RFX2: variants seen among roughly 807,000 people sequenced by gnomAD.
RFX2 encodes the protein DNA-binding protein RFX2.
In RFX2, 20 loss-of-function variants were observed where a neutral mutation model predicts 87.8. The observed-to-expected ratio is 0.23, with a 90% CI of 0.16 to 0.33. The LOEUF is 0.33. RFX2 is among the 10% of genes least tolerant of loss of function. RFX2 has a pLI of 1.00. For missense variants in RFX2, 767 were observed against 1,012.3 expected (o/e 0.76, Z 3.29); for synonymous variants, 397 against 431.3 (o/e 0.92, Z 0.98).
chr19:6,090,868 G>C (rs2087923797), intron 1 of RFX2, among the ~76,000 whole-genome samples: 1 of 152,182 alleles, frequency 6.6e-6, no homozygotes, highest in Non-Finnish European at 1.5e-5. Flanking sequence ...CTACAATGTG[G>C]ATGAACTGCA....
At chr19:6,109,510 G>T (rs1358742499) in intron 1 of RFX2, 1 of 152,428 alleles carries the variant, frequency 6.6e-6, no homozygotes. Flanking sequence ...GGTTCCAGGG[G>T]TGCCCCCAAA....
At chr19:6,088,126 A>G (rs1003685493) in intron 1 of RFX2, among the ~76,000 whole-genome samples, 2 of 151,244 alleles carry the variant, frequency 1.3e-5, no homozygotes, top group African/African-American at 4.8e-5. Context: ...TTCCCAGCCC[A>G]GAGTGCTGCT....
chr19:6,040,076 G>A lies in RFX2; in HGVS notation c.426C>T (p.Ser142=). 6.2e-7 allele frequency: 1 copy of A among 1,612,276 alleles called. No homozygotes were observed. Among genetic ancestry groups the A allele is most frequent in the East Asian group, 2.2e-5 (1 of 44,874 alleles). Residue 142 remains serine, a synonymous_variant, in exon 5 of 18, where the codon AGC becomes AGT. Transcript: ENST00000303657. The surrounding 1 kb of genome is among the most constrained non-coding windows in gnomAD (Gnocchi z 6.1). ...MVGITMDVGG[S]PIVSSAGAYL... ...AGGCTCCCGCGCTGGAGACGATGGG[G>A]CTCCCCCCGACATCCATGGTGATGC...
intron 5 of RFX2, among the ~76,000 whole-genome samples, chr19:6,030,332 G>A (rs909054776): frequency 3.9e-5 from 6 of 152,084 alleles, no homozygotes; most frequent in African/African-American, 1.4e-4. Flanking sequence ...GGAGGCCAGA[G>A]GGCAGTGAAA....
Position 6,007,149 on chromosome 19 carries a change from C to A in RFX2, c.1265G>T (p.Gly422Val). The change falls in exon 12 of 18, where the codon GGC (glycine) becomes GTC (valine). Residue 422 changes from glycine to valine, a missense_variant. Physicochemically the swap from Gly to Val is moderately radical, Grantham distance 109 (BLOSUM62 -3). This residue lies in a region of RFX2 where 621 missense variants were observed against 873.0 expected (regional missense o/e 0.71). Coordinates refer to ENST00000303657, the MANE Select transcript of RFX2 (RefSeq NM_000635.4). The surrounding 1 kb of genome is among the most constrained non-coding windows in gnomAD (Gnocchi z 8.2). ...AAGCTTGTCCTTGGGCAGGACGGCGCCCTCGGGGTCTTCGTCACTGTGGAG... is the reference window on the plus strand; with the variant it reads ...AAGCTTGTCCTTGGGCAGGACGGCGACCTCGGGGTCTTCGTCACTGTGGAG... Reference protein sequence around the residue: ...SLPASDEDPEGAVLPKDKLIS... With the variant: ...SLPASDEDPEVAVLPKDKLIS... The A allele has an allele frequency of 6.2e-7, 1 of 1,613,862 alleles. No homozygotes were observed. The highest frequency in any genetic ancestry group is 1.7e-4 in the Middle Eastern group (1 of 5,948).
intron 1 of RFX2, among the ~76,000 whole-genome samples, chr19:6,049,927 T>C (rs964733515): frequency 6.6e-6 from 1 of 152,244 alleles, no homozygotes; most frequent in Non-Finnish European, 1.5e-5. Context: ...AGTCCACAAA[T>C]GCTTGGGTGC....
rs1238986324 is a variant in RFX2 at position 6,021,056 on chromosome 19, A to G, written c.598-4785T>C. On this transcript the variant is annotated intron_variant, in intron 6 of 17. Transcript: ENST00000303657. This position sits in a 1 kb window ranked among gnomAD's most constrained non-coding sequence, Gnocchi z 5.7. ...ACCTGCCGGTGGGAAGGCAGGGATC[A>G]TGCCCACCTACCTGGCCCCCTTTGT... 1.3e-5 allele frequency among the ~76,000 whole-genome samples: 2 copies of G among 152,152 alleles called. No individual in the cohort carries two copies. The highest frequency in any genetic ancestry group is 2.9e-5 in the Non-Finnish European group (2 of 68,022).
chr19:6,017,198 TCCAG>T lies in RFX2; in HGVS notation c.598-931_598-928del, dbSNP rs748973310. 6.6e-6 allele frequency among the ~76,000 whole-genome samples: 1 copy of T among 152,190 alleles called. No homozygotes were observed. ...GAGCTAGGGTCGCGCCACACTGTAC[TCCAG>T]CCTGGGCGACAGGGCAAGACTTCGT... On this transcript the variant is annotated intron_variant, in intron 6 of 17. Transcript: ENST00000303657. This position sits in a 1 kb window ranked among gnomAD's most constrained non-coding sequence, Gnocchi z 4.1.
In RFX2 at chr19:6,010,088, T is replaced by C. The variant is rs1164943132; in HGVS notation, c.1015+48A>G. On this transcript the variant is annotated intron_variant, in intron 9 of 17. Transcript: ENST00000303657. This position sits in a 1 kb window ranked among gnomAD's most constrained non-coding sequence, Gnocchi z 5.0. ...CTGCTGGTGTTGAAACCCAGGAGTG[T>C]GGCGAGCAGATGGGAGCCCCGCCCC... 3.3e-6 allele frequency: 4 copies of C among 1,199,568 alleles called. No individual in the cohort carries two copies. In the African/African-American group the frequency reaches 6.0e-5, roughly 18 times the overall value. 74.3% of individuals were successfully genotyped at this position (1,199,568 alleles called of 1,614,324 possible).
chr19:6,085,428 G>T (rs1300234674), intron 1 of RFX2, among the ~76,000 whole-genome samples: 1 of 152,202 alleles, frequency 6.6e-6, no homozygotes, highest in Non-Finnish European at 1.5e-5. Context: ...CTTCTTTGAA[G>T]AAAGAGAAAT....
chr19:6,007,575 G>A lies in RFX2; in HGVS notation c.1247+115C>T, dbSNP rs966029318. 1 of 651,542 alleles carries A rather than the reference G, an allele frequency of 1.5e-6. No homozygotes were observed. The highest frequency in any genetic ancestry group is 2.7e-6 in the Non-Finnish European group (1 of 364,138). 40.4% of individuals were successfully genotyped at this position (651,542 alleles called of 1,614,324 possible). ...AAAAATTACAGGGATGGAGGCAGAG[G>A]GGTCTGAACCCTGATTCTTGGAGAG... On this transcript the variant is annotated intron_variant, in intron 11 of 17. Coordinates refer to ENST00000303657, the MANE Select transcript of RFX2 (RefSeq NM_000635.4). This position sits in a 1 kb window ranked among gnomAD's most constrained non-coding sequence, Gnocchi z 8.2.
In RFX2 at chr19:6,001,409, A is replaced by AT. The variant is rs1317038998; in HGVS notation, c.1859+405dup. On this transcript the variant is annotated intron_variant, in intron 15 of 17. Transcript: ENST00000303657. This position sits in a 1 kb window ranked among gnomAD's most constrained non-coding sequence, Gnocchi z 5.6. ...CACAAGTATCTGGGACCACAGGCAC[A>AT]TGCCACCACGTCCAGCTAAGTTTTT... Among the ~76,000 whole-genome samples the AT allele has an allele frequency of 3.9e-5, 6 of 152,312 alleles. No individual in the cohort carries two copies. In the East Asian group the frequency reaches 1.2e-3, roughly 29 times the overall value.
chr19:6,063,759 G>A lies in RFX2; in HGVS notation c.-8-16255C>T, dbSNP rs983660977. Among the ~76,000 whole-genome samples, 1 of 152,128 alleles carries A rather than the reference G, an allele frequency of 6.6e-6. No individual in the cohort carries two copies. The highest frequency in any genetic ancestry group is 6.5e-5 in the Admixed American group (1 of 15,282). The stretch of plus-strand genomic sequence containing the variant: ...CAGGAATACACTCTGGGGTGGGGCC[G>A]TCCTGGGCACCGCAGGGTGCTGGGC... On this transcript the variant is annotated intron_variant, in intron 1 of 17. Transcript: ENST00000303657. The surrounding 1 kb of genome is among the most constrained non-coding windows in gnomAD (Gnocchi z 4.0).
In RFX2 at chr19:6,004,291, C is replaced by G; in HGVS notation, c.1410G>C (p.Leu470Phe). 3.1e-6 allele frequency: 5 copies of G among 1,613,756 alleles called. No homozygotes were observed. The highest frequency in any genetic ancestry group is 4.2e-6 in the Non-Finnish European group (5 of 1,179,688). ...TGGCAAAGTTACGGATGGCCTGTGT[C>G]AAGGTACCTGGGGGATACAGACCAT... ...PDVLRPVPSTLTQAIRNFAKS... is the reference protein window; with the variant it reads ...PDVLRPVPSTFTQAIRNFAKS... Residue 470 changes from leucine to phenylalanine, a missense_variant, in exon 13 of 18, where the codon TTG becomes TTC. This residue lies in a region of RFX2 where 621 missense variants were observed against 873.0 expected (regional missense o/e 0.71). Coordinates refer to ENST00000303657, the MANE Select transcript of RFX2 (RefSeq NM_000635.4). This position sits in a 1 kb window ranked among gnomAD's most constrained non-coding sequence, Gnocchi z 4.8.
At chr19:6,088,119 C>T (rs906404655) in intron 1 of RFX2, among the ~76,000 whole-genome samples, 2 of 152,036 alleles carry the variant, frequency 1.3e-5, no homozygotes, top group Non-Finnish European at 2.9e-5. Flanking sequence ...AGAGCCCTTC[C>T]CAGCCCAGAG....
chr19:6,036,053 G>A (rs1216745390), intron 5 of RFX2, among the ~76,000 whole-genome samples: 1 of 152,212 alleles, frequency 6.6e-6, no homozygotes, highest in Non-Finnish European at 1.5e-5. Flanking sequence ...TTGTTTCTCA[G>A]TAAATTTGTG....
At chr19:6,062,186 A>C (rs1323607532) in intron 1 of RFX2, among the ~76,000 whole-genome samples, 1 of 152,182 alleles carries the variant, frequency 6.6e-6, no homozygotes, top group Non-Finnish European at 1.5e-5. Context: ...TAACAAAACA[A>C]AACAATGAAA....
rs2086644608 is a variant in RFX2, at chr19:6,010,322, G to T, written c.900-71C>A. ...TGCGGGTGGGCCCAAAGACTGGGGGGCTGGGCAGGATTCAGTCAGGCATGT... is the reference window on the plus strand; with the variant it reads ...TGCGGGTGGGCCCAAAGACTGGGGGTCTGGGCAGGATTCAGTCAGGCATGT... On this transcript the variant is annotated intron_variant, in intron 8 of 17. Coordinates refer to ENST00000303657, the MANE Select transcript of RFX2 (RefSeq NM_000635.4). The surrounding 1 kb of genome is among the most constrained non-coding windows in gnomAD (Gnocchi z 5.0). 2.0e-6 allele frequency: 2 copies of T among 1,010,894 alleles called. No individual in the cohort carries two copies. Among genetic ancestry groups the T allele is most frequent in the Non-Finnish European group, 1.5e-6 (1 of 667,232 alleles). 62.6% of individuals were successfully genotyped at this position (1,010,894 alleles called of 1,614,324 possible). A position where few individuals can be genotyped will look rare whatever the true frequency, so the allele number is the denominator to read the frequency against.
Position 6,010,315 on chromosome 19 carries a change from C to G in RFX2, c.900-64G>C, listed in dbSNP as rs2086644298. The G allele has an allele frequency of 9.4e-7, 1 of 1,062,128 alleles. No individual in the cohort carries two copies. 65.8% of individuals were successfully genotyped at this position (1,062,128 alleles called of 1,614,324 possible). A position where few individuals can be genotyped will look rare whatever the true frequency, so the allele number is the denominator to read the frequency against. ...GCCCTGCTGCGGGTGGGCCCAAAGA[C>G]TGGGGGGCTGGGCAGGATTCAGTCA... is the stretch of plus-strand genomic sequence containing the variant. On this transcript the variant is annotated intron_variant, in intron 8 of 17. Transcript: ENST00000303657. The surrounding 1 kb of genome is among the most constrained non-coding windows in gnomAD (Gnocchi z 5.0).
Sources: gnomAD v4.1 joint callset for allele counts (sites outside exome capture counted in the v4.1 genomes callset) on GRCh38, gnomAD v4.1.1 for gene constraint, gnomAD v4.1.1 regional missense constraint, Gnocchi (gnomAD v3.1) non-coding constraint, MANE v1.5 for transcripts, NCBI Gene and HGNC (gene_info 2026-07-23, HGNC 2026-07-21) for gene names.